ADGRL3: variants seen among roughly 807,000 people sequenced by gnomAD.
The protein encoded by ADGRL3 is calcium-independent alpha-latrotoxin receptor 3.
In ADGRL3, 62 loss-of-function variants were observed where a neutral mutation model predicts 153.5. That is an observed-to-expected ratio of 0.40 (90% CI 0.33 to 0.50). The LOEUF (loss-of-function observed/expected upper bound fraction) is 0.50. ADGRL3 is among the 20% of genes least tolerant of loss of function. ADGRL3 has a pLI of 0.47. For missense variants in ADGRL3, 1,641 were observed against 1,859.4 expected (o/e 0.88, Z 2.16); for synonymous variants, 710 against 672.5 (o/e 1.06, Z -0.86).
chr4:61,227,200 G>A (rs1300228475), intron 1 of ADGRL3, among the ~76,000 whole-genome samples: 2 of 151,804 alleles, frequency 1.3e-5, no homozygotes, highest in Non-Finnish European at 1.5e-5. Context: ...CATTTCTTCT[G>A]GCACCTCACT....
chr4:61,730,372 C>T (rs1205172403), intron 6 of ADGRL3, among the ~76,000 whole-genome samples: 1 of 151,668 alleles, frequency 6.6e-6, no homozygotes, highest in East Asian at 1.9e-4. Flanking sequence ...TTTATTTAAT[C>T]ATAGTTTGAT....
chr4:61,428,744 C>T (rs985774600), intron 2 of ADGRL3, among the ~76,000 whole-genome samples: 3 of 152,056 alleles, frequency 2.0e-5, no homozygotes, highest in Non-Finnish European at 2.9e-5. Context: ...TTGTGAAATG[C>T]TTAGCCGGTA....
At chr4:61,360,920 C>A (rs1287874179) in intron 1 of ADGRL3, among the ~76,000 whole-genome samples, 1 of 152,150 alleles carries the variant, frequency 6.6e-6, no homozygotes, top group Non-Finnish European at 1.5e-5. Context: ...CTCACTTAGT[C>A]TTCAAAACAA....
At chr4:61,509,124 CTTTTTTTTT>C (rs57550950) in intron 3 of ADGRL3, among the ~76,000 whole-genome samples, 3 of 118,582 alleles carry the variant, frequency 2.5e-5, no homozygotes, top group Middle Eastern at 5.1e-3. Flanking sequence ...CATATCACAT[CTTTTTTTTT>C]TTTTTTTTTT....
intron 8 of ADGRL3, among the ~76,000 whole-genome samples, chr4:61,737,892 T>C (rs2096537696): frequency 6.6e-6 from 1 of 150,696 alleles, no homozygotes; most frequent in African/African-American, 2.5e-5. Context: ...TATAAGGGTC[T>C]TTTTTTTTAG....
intron 8 of ADGRL3, among the ~76,000 whole-genome samples, chr4:61,761,969 A>C (rs1379093263): frequency 6.6e-6 from 1 of 152,158 alleles, no homozygotes; most frequent in African/African-American, 2.4e-5. Flanking sequence ...AAATAAATAA[A>C]ATTATCAGAA....
intron 1 of ADGRL3, among the ~76,000 whole-genome samples, chr4:61,205,471 C>G (rs1306187530): frequency 6.6e-6 from 1 of 152,148 alleles, no homozygotes; most frequent in African/African-American, 2.4e-5. Context: ...TTTGCCTTCT[C>G]TTTCCTAGAT....
intron 17 of ADGRL3, among the ~76,000 whole-genome samples, chr4:61,966,608 A>ATGTGTG (rs2099007931): frequency 1.5e-5 from 2 of 134,766 alleles, no homozygotes; most frequent in Non-Finnish European, 3.2e-5. Flanking sequence ...GTGTGTGTGA[A>ATGTGTG]TGAAAACAAA....
At chr4:61,506,839 A>G (rs749551291) in intron 3 of ADGRL3, among the ~76,000 whole-genome samples, 16 of 152,286 alleles carry the variant, frequency 1.1e-4, no homozygotes, top group Non-Finnish European at 1.9e-4. Context: ...TTGGACTCAG[A>G]TGACTTTAAA....
rs774538500 is a variant in ADGRL3 at position 62,077,422 on chromosome 4, A to G, written c.*6514A>G. The G allele has an allele frequency of 2.0e-5, 3 of 152,146 alleles. No homozygotes were observed. The highest frequency in any genetic ancestry group is 2.0e-4 in the Admixed American group (3 of 15,260). 9.4% of individuals were successfully genotyped at this position (152,146 alleles called of 1,614,324 possible). ...GGAAATATGTTTAAAGCCGAGAACTAAAATAGCTTTTTAAAATTTAAAAAT... is the reference window on the plus strand; with the variant it reads ...GGAAATATGTTTAAAGCCGAGAACTGAAATAGCTTTTTAAAATTTAAAAAT... On this transcript the variant is annotated 3_prime_UTR_variant, in exon 27 of 27. Transcript: ENST00000683033.
At chr4:61,770,499 T>C (rs1158070184) in intron 8 of ADGRL3, among the ~76,000 whole-genome samples, 1 of 152,178 alleles carries the variant, frequency 6.6e-6, no homozygotes, top group Non-Finnish European at 1.5e-5. Context: ...TCTATTATCA[T>C]AGATTTAAGG....
chr4:61,545,606 C>T (rs903717379), intron 4 of ADGRL3, among the ~76,000 whole-genome samples: 2 of 152,096 alleles, frequency 1.3e-5, no homozygotes, highest in Admixed American at 6.5e-5. Flanking sequence ...CTCCGCCTGC[C>T]GAGTTCAAGT....
intron 8 of ADGRL3, among the ~76,000 whole-genome samples, chr4:61,746,660 A>G (rs370296472): frequency 2.0e-5 from 3 of 152,138 alleles, no homozygotes; most frequent in African/African-American, 4.8e-5. Context: ...TGAAACCAAC[A>G]AGAACAAAGA....
chr4:61,855,959 A>G (rs2098258809), intron 9 of ADGRL3, among the ~76,000 whole-genome samples: 1 of 152,154 alleles, frequency 6.6e-6, no homozygotes, highest in Non-Finnish European at 1.5e-5. Flanking sequence ...AGACAATAGG[A>G]GACAGTTGAA....
At chr4:61,732,639 A>C in intron 7 of ADGRL3, 115 bp from the exon 8 acceptor site, 1 of 497,030 alleles carries the variant, frequency 2.0e-6, no homozygotes. Flanking sequence ...GCAGCAAAAT[A>C]AGTGATGGTG....
chr4:61,498,077 CA>C (rs1180269903), intron 3 of ADGRL3, among the ~76,000 whole-genome samples: 1 of 151,890 alleles, frequency 6.6e-6, no homozygotes, highest in Non-Finnish European at 1.5e-5. Context: ...AAGAAAACTC[CA>C]AAAGTAAAAT....
chr4:61,403,547 A>C (rs1358406549), intron 2 of ADGRL3, among the ~76,000 whole-genome samples: 2 of 152,100 alleles, frequency 1.3e-5, no homozygotes, highest in East Asian at 3.9e-4. Context: ...TCCCTTATGC[A>C]TCTCTTTCAC....
At chr4:61,495,529 TGGAAGGAAGAAA>T (rs1579174818) in intron 2 of ADGRL3, among the ~76,000 whole-genome samples, 2 of 149,186 alleles carry the variant, frequency 1.3e-5, no homozygotes, top group Non-Finnish European at 3.0e-5. Context: ...GGGAAGAGAA[TGGAAGGAAGAAA>T]GGAAGGAAGG....
chr4:61,764,564 G>A (rs2096953456), intron 8 of ADGRL3, among the ~76,000 whole-genome samples: 1 of 151,942 alleles, frequency 6.6e-6, no homozygotes, highest in East Asian at 1.9e-4. Context: ...TTCTTTTGTG[G>A]TGGAATGTCA....
Sources: allele counts gnomAD v4.1 joint callset (sites outside exome capture counted in the v4.1 genomes callset), GRCh38; gene constraint gnomAD v4.1.1; transcripts MANE v1.5; gene names NCBI Gene and HGNC (gene_info 2026-07-23, HGNC 2026-07-21).